SLCO5A1: variants seen among roughly 807,000 people sequenced by gnomAD.
SLCO5A1 encodes the protein organic anion transporter polypeptide-related protein 4.
A neutral mutation model predicts 65.1 loss-of-function variants in SLCO5A1; 39 were observed. The ratio of observed to expected loss-of-function variants is 0.60; its 90% CI spans 0.46 to 0.78. The LOEUF is 0.78. Among genes scored for constraint, SLCO5A1 ranks in the 30% least tolerant of loss-of-function variants. The pLI is 0.00. For synonymous variants in SLCO5A1, 438 were observed against 415.7 expected (o/e 1.05, Z -0.65); for missense variants, 1,029 against 1,069.4 (o/e 0.96, Z 0.53).
In SLCO5A1 at chr8:69,739,785, C is replaced by T. The variant is rs1014902558; in HGVS notation, c.1259-1581G>A. ...ACACACCAGAGAAAAACATAAAGTG[C>T]TTCATAAAATCATCCTACAGCCTCT... On this transcript the variant is annotated intron_variant, in intron 4 of 9. Coordinates refer to ENST00000260126, the MANE Select transcript of SLCO5A1 (RefSeq NM_030958.3). 5.9e-5 allele frequency among the ~76,000 whole-genome samples: 9 copies of T among 151,856 alleles called. 1 individual carries two copies. Among genetic ancestry groups the T allele is most frequent in the East Asian group, 5.8e-4 (3 of 5,170 alleles).
intron 5 of SLCO5A1, among the ~76,000 whole-genome samples, chr8:69,736,616 G>A (rs1286802917): frequency 6.6e-6 from 1 of 152,142 alleles, no homozygotes; most frequent in Non-Finnish European, 1.5e-5. Flanking sequence ...AAATGACTTT[G>A]GAAAAGGCTG....
intron 5 of SLCO5A1, among the ~76,000 whole-genome samples, chr8:69,729,074 G>C (rs1260863114): frequency 6.6e-6 from 1 of 152,138 alleles, no homozygotes; most frequent in African/African-American, 2.4e-5. Flanking sequence ...AGACTACTGA[G>C]GTAGAGCCAA....
intron 5 of SLCO5A1, among the ~76,000 whole-genome samples, chr8:69,716,795 T>G (rs1373132024): frequency 6.6e-6 from 1 of 152,044 alleles, no homozygotes; most frequent in East Asian, 1.9e-4. Flanking sequence ...TTTTTTTTTT[T>G]TTAAGACAGG....
intron 2 of SLCO5A1, among the ~76,000 whole-genome samples, chr8:69,825,823 T>C (rs1248214994): frequency 8.1e-4 from 120 of 148,102 alleles, no homozygotes; most frequent in Middle Eastern, 3.2e-3. Context: ...CATTGCCAAG[T>C]CAATCCTAAG....
intron 2 of SLCO5A1, among the ~76,000 whole-genome samples, chr8:69,806,093 A>G (rs1393381190): frequency 6.6e-6 from 1 of 152,244 alleles, no homozygotes; most frequent in African/African-American, 2.4e-5. Flanking sequence ...AGGAAGGTCC[A>G]TGAATCTGCA....
At chr8:69,785,584 G>C (rs1427943131) in intron 2 of SLCO5A1, among the ~76,000 whole-genome samples, 1 of 152,156 alleles carries the variant, frequency 6.6e-6, no homozygotes, top group East Asian at 1.9e-4. Flanking sequence ...TATAAGTTTA[G>C]TTAGTTTGCA....
chr8:69,682,414 T>C (rs1187914349), intron 6 of SLCO5A1, 71 bp from the exon 7 acceptor site: 1 of 1,365,942 alleles, frequency 7.3e-7, no homozygotes, highest in Non-Finnish European at 9.6e-7. Flanking sequence ...GTCTTGAAAT[T>C]AATAATTTGT....
At chr8:69,716,902 C>T (rs920028940) in intron 5 of SLCO5A1, among the ~76,000 whole-genome samples, 14 of 152,032 alleles carry the variant, frequency 9.2e-5, no homozygotes, top group African/African-American at 3.4e-4. Context: ...TCCTCAGCCT[C>T]CCAAATAGCT....
rs201397784 is a variant in SLCO5A1, at chr8:69,832,106, C to T, written c.568G>A (p.Gly190Ser). The change falls in exon 2 of 10, where the codon GGC (glycine) becomes AGC (serine). Residue 190 changes from glycine to serine, a missense_variant. Around this residue, in one of 3 missense-constraint regions of SLCO5A1, gnomAD observed 647 missense variants for 647.5 expected, o/e 1.00. Coordinates refer to ENST00000260126, the MANE Select transcript of SLCO5A1 (RefSeq NM_030958.3). This position sits in a 1 kb window ranked among gnomAD's most constrained non-coding sequence, Gnocchi z 4.5. ...VVVVFVSYFG[G>S]RGRRPLWLAV... ...AGCCACAGGGGCCGCCGACCCCGGC[C>T]GCCGAAGTAGCTGACGAACACCACC... is the stretch of plus-strand genomic sequence containing the variant. The T allele has an allele frequency of 1.2e-6, 2 of 1,614,048 alleles. No homozygotes were observed. The highest frequency in any genetic ancestry group is 1.1e-5 in the South Asian group (1 of 91,084).
chr8:69,771,770 T>C (rs1818332018), intron 2 of SLCO5A1, among the ~76,000 whole-genome samples: 1 of 152,196 alleles, frequency 6.6e-6, no homozygotes, highest in Non-Finnish European at 1.5e-5. Context: ...TAGAGTTAAT[T>C]CTCTCCAGGA....
intron 6 of SLCO5A1, among the ~76,000 whole-genome samples, chr8:69,686,810 A>G (rs1439488143): frequency 6.6e-6 from 1 of 152,150 alleles, no homozygotes; most frequent in East Asian, 1.9e-4. Context: ...TTCCTGGAGA[A>G]AGCTCTAATG....
Position 69,831,931 on chromosome 8 carries a change from G to A in SLCO5A1, c.743C>T (p.Pro248Leu). 2 of 1,601,400 alleles carry A rather than the reference G, an allele frequency of 1.2e-6. No individual in the cohort carries two copies. The highest frequency in any genetic ancestry group is 1.1e-5 in the South Asian group (1 of 89,240). The stretch of plus-strand genomic sequence containing the variant: ...TCCCGAGTCCTTCGGACAGGCCGGA[G>A]GCTCCAAAGTGGCGGTGGAGTTGCC... ...QGGNSTATLE[P>L]PACPKDSGGN... The change falls in exon 2 of 10, where the codon CCT (proline) becomes CTT (leucine). Residue 248 changes from proline (P) to leucine (L), a missense_variant. Pro to Leu is a moderately conservative substitution (Grantham distance 98, BLOSUM62 -3). Coordinates refer to ENST00000260126, the MANE Select transcript of SLCO5A1 (RefSeq NM_030958.3).
chr8:69,728,850 T>C (rs1170909796), intron 5 of SLCO5A1, among the ~76,000 whole-genome samples: 1 of 152,114 alleles, frequency 6.6e-6, no homozygotes, highest in African/African-American at 2.4e-5. Context: ...ATCAGTATAA[T>C]CTCATGACTT....
chr8:69,682,737 T>C (rs1813838826), intron 6 of SLCO5A1, among the ~76,000 whole-genome samples: 1 of 152,178 alleles, frequency 6.6e-6, no homozygotes, highest in Non-Finnish European at 1.5e-5. Flanking sequence ...ATGGAGAAAA[T>C]ACTTTTTAGT....
At chr8:69,757,831 GAAC>G (rs1271512137) in intron 3 of SLCO5A1, among the ~76,000 whole-genome samples, 1 of 152,022 alleles carries the variant, frequency 6.6e-6, no homozygotes, top group East Asian at 1.9e-4. Flanking sequence ...CTCTCTCCAC[GAAC>G]TCTCCATTCC....
At chr8:69,827,371 T>C (rs114632159) in intron 2 of SLCO5A1, among the ~76,000 whole-genome samples, 2,702 of 152,312 alleles carry the variant, frequency 0.018, 37 homozygotes, top group Middle Eastern at 0.044. Context: ...CTACAAAGCT[T>C]TCTCTATGCT....
At chr8:69,822,356 A>G (rs1045055337) in intron 2 of SLCO5A1, among the ~76,000 whole-genome samples, 1 of 152,212 alleles carries the variant, frequency 6.6e-6, no homozygotes, top group Non-Finnish European at 1.5e-5. Context: ...CATACATTAA[A>G]GAAAGATGAT....
chr8:69,826,681 T>A (rs2130925826), intron 2 of SLCO5A1, among the ~76,000 whole-genome samples: 1 of 152,318 alleles, frequency 6.6e-6, no homozygotes, highest in South Asian at 2.1e-4. Flanking sequence ...ACACTGTTGG[T>A]GGGACTAGTT....
chr8:69,736,583 T>A (rs991621307), intron 5 of SLCO5A1, among the ~76,000 whole-genome samples: 4 of 152,070 alleles, frequency 2.6e-5, no homozygotes, highest in African/African-American at 9.7e-5. Flanking sequence ...AAGATGCCTC[T>A]AAAAAAATCA....
Sources: allele counts gnomAD v4.1 joint callset (sites outside exome capture counted in the v4.1 genomes callset), GRCh38; gene constraint gnomAD v4.1.1; regional missense constraint gnomAD v4.1.1; non-coding constraint Gnocchi (gnomAD v3.1); transcripts MANE v1.5; gene names NCBI Gene and HGNC (gene_info 2026-07-23, HGNC 2026-07-21).